PSMD6: variants seen among roughly 807,000 people sequenced by gnomAD.
PSMD6 encodes 26S proteasome non-ATPase regulatory subunit 6.
A neutral mutation model predicts 44.9 loss-of-function variants in PSMD6; 7 were observed. The observed-to-expected ratio is 0.16, with a 90% confidence interval of 0.09 to 0.29. The LOEUF is 0.29. Among genes scored for constraint, PSMD6 ranks in the 10% least tolerant of loss-of-function variants. The pLI is 1.00. For missense variants in PSMD6, 420 were observed against 482.6 expected (o/e 0.87, Z 1.21); for synonymous variants, 184 against 172.7 (o/e 1.07, Z -0.51).
chr3:64,021,634 T>C (rs1027456860), intron 2 of PSMD6, among the ~76,000 whole-genome samples: 1 of 151,896 alleles, frequency 6.6e-6, no homozygotes, highest in African/African-American at 2.4e-5. Flanking sequence ...CATGTTGAAA[T>C]CCAGTCTCTA....
At chr3:64,019,187 T>G in intron 3 of PSMD6, 109 bp downstream of exon 3, 1 of 1,421,896 alleles carries the variant, frequency 7.0e-7, no homozygotes. Context: ...GTACATCAAT[T>G]ATTTGACCAA....
chr3:64,021,164 A>G (rs1352785741), intron 2 of PSMD6, among the ~76,000 whole-genome samples: 1 of 152,240 alleles, frequency 6.6e-6, no homozygotes. Context: ...AGAGACATAC[A>G]TAAGCATATT....
rs771857033 is a variant in PSMD6, at chr3:64,010,924, G to A, written c.1027C>T (p.Leu343=). ...ELSRFIAAGR[L]HCKIDKVNEI... ...TTCACTTTATCTATTTTGCAGTGTA[G>A]TCTCCCGGCAGCAATAAACCTGGAC... The change falls in exon 7 of 8, where the codon CTA becomes TTA. Residue 343 remains leucine (L), a synonymous_variant. Coordinates refer to ENST00000295901, the MANE Select transcript of PSMD6 (RefSeq NM_014814.3). 2.5e-6 allele frequency: 4 copies of A among 1,610,462 alleles called. No individual in the cohort carries two copies. In the East Asian group the frequency reaches 6.7e-5, roughly 27 times the overall value.
Position 64,018,619 on chromosome 3 carries a change from G to T in PSMD6, c.806C>A (p.Ser269Tyr). 1 of 1,576,826 alleles carries T rather than the reference G, an allele frequency of 6.3e-7. No homozygotes were observed. The highest frequency in any genetic ancestry group is 1.1e-5 in the South Asian group (1 of 90,160). The change falls in exon 5 of 8, where the codon TCT (serine) becomes TAT (tyrosine). Residue 269 changes from serine (S) to tyrosine (Y), a missense_variant. Transcript: ENST00000295901. Reference protein sequence around the residue: ...YLFSLYECRYSVFFQSLAVVE... With the variant: ...YLFSLYECRYYVFFQSLAVVE... ...CTTACCTAATGATTGGAAGAAAACA[G>T]AGTAACGGCATTCATAGAGTGAAAA...
chr3:64,011,685 AACT>A (rs2075956509), intron 6 of PSMD6: 1 of 152,068 alleles, frequency 6.6e-6, no homozygotes, highest in African/African-American at 2.4e-5. Flanking sequence ...ACCTGAATTC[AACT>A]ACTACCTGAA....
intron 1 of PSMD6, chr3:64,022,770 G>T (rs1267652634): frequency 1.8e-5 from 28 of 1,536,008 alleles, no homozygotes; most frequent in South Asian, 2.4e-5. Flanking sequence ...GGCAATCCTC[G>T]GTTTGCTCTT....
At chr3:64,021,728 T>C (rs917346513) in intron 2 of PSMD6, among the ~76,000 whole-genome samples, 3 of 151,800 alleles carry the variant, frequency 2.0e-5, no homozygotes, top group Non-Finnish European at 2.9e-5. Flanking sequence ...GGAGAATCGA[T>C]TGAACCCAGC....
chr3:64,016,282 T>C (rs574919743), intron 5 of PSMD6: 1 of 152,146 alleles, frequency 6.6e-6, no homozygotes, highest in African/African-American at 2.4e-5. Flanking sequence ...TGAGTGAATG[T>C]GTGTATGGAT....
rs776964262 is a variant in PSMD6, at chr3:64,013,627, A to T, written c.827-20T>A. The T allele has an allele frequency of 3.1e-6, 5 of 1,594,300 alleles. No individual in the cohort carries two copies. Among genetic ancestry groups the T allele is most frequent in the Non-Finnish European group, 3.4e-6 (4 of 1,171,608 alleles). ...CAACCGCTGCAATGAATAAAATGAC[A>T]AATTATAATAGACTCTCCGTTTCAG... On this transcript the variant is annotated intron_variant, in intron 5 of 7. Transcript: ENST00000295901.
intron 5 of PSMD6, chr3:64,015,411 C>T (rs2076027392): frequency 6.6e-6 from 1 of 152,124 alleles, no homozygotes; most frequent in South Asian, 2.1e-4. Context: ...TGGAAACGAC[C>T]TCGTTTTCTA....
At chr3:64,014,788 T>C (rs66473811) in intron 5 of PSMD6, 22,843 of 152,188 alleles carry the variant, frequency 0.15, 1,858 homozygotes, top group East Asian at 0.25. Context: ...TAAGGAGGCA[T>C]TGAGGCATGA....
At position 64,019,334 on chromosome 3, in the gene PSMD6, A is replaced by T; in HGVS notation, c.459T>A (p.Asp153Glu). 6.3e-7 allele frequency: 1 copy of T among 1,593,448 alleles called. No homozygotes were observed. The highest frequency in any genetic ancestry group is 8.6e-7 in the Non-Finnish European group (1 of 1,161,104). ...CTGTGTTTCGTGTGATGAGATCATT[A>T]TCCATATAAAATAAGCCAATCCTAA... ...YLLRIGLFYM[D>E]NDLITRNTEK... Residue 153 changes from aspartate to glutamate, a missense_variant, in exon 3 of 8, where the codon GAT becomes GAA. Asp to Glu is a conservative substitution (Grantham distance 45, BLOSUM62 2). This residue lies in a region of PSMD6 where 216 missense variants were observed against 227.0 expected (regional missense o/e 0.95). Coordinates refer to ENST00000295901, the MANE Select transcript of PSMD6 (RefSeq NM_014814.3).
intron 5 of PSMD6, chr3:64,015,146 A>G (rs2076022573): frequency 6.6e-6 from 1 of 152,194 alleles, no homozygotes; most frequent in East Asian, 1.9e-4. Flanking sequence ...CATCAATAAA[A>G]TTATTTCTGT....
intron 5 of PSMD6, 181 bp from the exon 6 acceptor site, chr3:64,013,788 G>A: frequency 2.1e-6 from 1 of 466,324 alleles, no homozygotes; most frequent in Admixed American, 4.1e-5. Context: ...GAGGGGCCAG[G>A]TATGCAAACA....
At chr3:64,016,646 C>T (rs939227314) in intron 5 of PSMD6, 1 of 152,140 alleles carries the variant, frequency 6.6e-6, no homozygotes, top group Non-Finnish European at 1.5e-5. Context: ...TATCATTTCA[C>T]ACCCACAAAG....
At chr3:64,022,183 C>CAGT (rs1281095684) in intron 2 of PSMD6, 135 bp downstream of exon 2, 10 of 940,508 alleles carry the variant, frequency 1.1e-5, no homozygotes, top group Middle Eastern at 3.0e-4. Context: ...ATTGATTCAC[C>CAGT]AGTACAAGCA....
chr3:64,014,676 AAGG>A (rs946724499), intron 5 of PSMD6: 3 of 152,142 alleles, frequency 2.0e-5, no homozygotes, highest in African/African-American at 7.2e-5. Flanking sequence ...ATCCCTGGAG[AAGG>A]AGAATATTTG....
chr3:64,013,701 T>G, intron 5 of PSMD6, 94 bp from the exon 6 acceptor site: 1 of 1,134,240 alleles, frequency 8.8e-7, no homozygotes, highest in Non-Finnish European at 1.2e-6. Flanking sequence ...GTCCAACAGA[T>G]AGATGAACAA....
chr3:64,013,026 T>G, intron 6 of PSMD6: 1 of 155,992 alleles, frequency 6.4e-6, no homozygotes, highest in Non-Finnish European at 1.4e-5. Context: ...GTCCCACATT[T>G]AACAACCAAT....
Sources: allele counts gnomAD v4.1 joint callset (sites outside exome capture counted in the v4.1 genomes callset), GRCh38; gene constraint gnomAD v4.1.1; regional missense constraint gnomAD v4.1.1; transcripts MANE v1.5; gene names NCBI Gene and HGNC (gene_info 2026-07-23, HGNC 2026-07-21).